The following FBXO41 variants were observed in gnomAD, a reference collection of about 807,000 sequenced individuals.
FBXO41 encodes the protein F-box only protein 41.
Under a neutral mutation model 81.6 loss-of-function variants are expected in FBXO41, and 33 were observed. The ratio of observed to expected loss-of-function variants is 0.40; its 90% confidence interval spans 0.31 to 0.54. The LOEUF (loss-of-function observed/expected upper bound fraction) is 0.54. Among genes scored for constraint, FBXO41 ranks in the 20% least tolerant of loss-of-function variants. The pLI, the probability that FBXO41 is intolerant of heterozygous loss-of-function variation, is 0.39. For missense variants in FBXO41, 1,107 were observed against 1,236.0 expected (o/e 0.90, Z 1.56); for synonymous variants, 576 against 552.7 (o/e 1.04, Z -0.59).
intron 1 of FBXO41, among the ~76,000 whole-genome samples, chr2:73,275,373 G>T (rs541636142): frequency 6.6e-6 from 1 of 152,072 alleles, no homozygotes; most frequent in Admixed American, 6.5e-5. Context: ...AGTAGAGACA[G>T]CGTTTCACCA....
Position 73,266,059 on chromosome 2 carries a change from A to G in FBXO41, c.1132-93T>C. 9.0e-7 allele frequency: 1 copy of G among 1,113,850 alleles called. No individual in the cohort carries two copies. The highest frequency in any genetic ancestry group is 1.3e-6 in the Non-Finnish European group (1 of 756,322). 69.0% of individuals were successfully genotyped at this position (1,113,850 alleles called of 1,614,324 possible). A position where few individuals can be genotyped will look rare whatever the true frequency, so the allele number is the denominator to read the frequency against. On this transcript the variant is annotated intron_variant, in intron 3 of 12. Coordinates refer to ENST00000520530, the MANE Select transcript of FBXO41 (RefSeq NM_001371389.2). The surrounding 1 kb of genome is among the most constrained non-coding windows in gnomAD (Gnocchi z 5.3). The stretch of plus-strand genomic sequence containing the variant: ...AGGGGAAACAGGGCAAAAGATGGAG[A>G]GGAGATGGGGGAGAGGAGAGAGAAG...
In FBXO41 at chr2:73,276,281, G is replaced by A. The variant is rs915302976; in HGVS notation, c.-138-6513C>T. 1.3e-4 allele frequency among the ~76,000 whole-genome samples: 19 copies of A among 151,280 alleles called. 1 individual carries two copies. The South Asian group carries it at 3.3e-3, about 27-fold the overall frequency. ...AAAAATTAGACGGGCATGGTGGCAG[G>A]TGGCTGTAATCCCAGCTACTCAGGA... is the stretch of plus-strand genomic sequence containing the variant. On this transcript the variant is annotated intron_variant, in intron 1 of 12. Transcript: ENST00000520530.
At chr2:73,272,762 T>C (rs923508888) in intron 1 of FBXO41, among the ~76,000 whole-genome samples, 2 of 152,332 alleles carry the variant, frequency 1.3e-5, no homozygotes, top group African/African-American at 4.8e-5. Context: ...AGGGACTTCA[T>C]TCAAGAACCA....
chr2:73,260,871 A>C lies in FBXO41; in HGVS notation c.2172-13T>G. ...TGTGGGCTGCTGGCTGGAGAATGGG[A>C]AGGGGGAGCCGTCAGGGAAGTCTCT... is the stretch of plus-strand genomic sequence containing the variant. On this transcript the variant is annotated splice_polypyrimidine_tract_variant and intron_variant, in intron 9 of 12. Transcript: ENST00000520530. The surrounding 1 kb of genome is among the most constrained non-coding windows in gnomAD (Gnocchi z 5.0). 6.5e-7 allele frequency: 1 copy of C among 1,549,192 alleles called. No individual in the cohort carries two copies. The highest frequency in any genetic ancestry group is 8.7e-7 in the Non-Finnish European group (1 of 1,144,456).
rs564549987 is a variant in FBXO41 at position 73,273,618 on chromosome 2, C to T, written c.-138-3850G>A. Reference sequence around the variant, plus strand: ...ATACAGTCACTTCGGGAGCTGTGCTCAGTTGGTAGGCTGTGAGCCTGGAGC... The same window carrying T: ...ATACAGTCACTTCGGGAGCTGTGCTTAGTTGGTAGGCTGTGAGCCTGGAGC... On this transcript the variant is annotated intron_variant, in intron 1 of 12. Coordinates refer to ENST00000520530, the MANE Select transcript of FBXO41 (RefSeq NM_001371389.2). Among the ~76,000 whole-genome samples, 6 of 152,280 alleles carry T rather than the reference C, an allele frequency of 3.9e-5. No homozygotes were observed. In the East Asian group the frequency reaches 1.2e-3, roughly 29 times the overall value.
Position 73,269,163 on chromosome 2 carries a change from C to T in FBXO41, c.468G>A (p.Glu156=). The T allele has an allele frequency of 6.6e-7, 1 of 1,524,822 alleles. No individual in the cohort carries two copies. The highest frequency in any genetic ancestry group is 8.8e-7 in the Non-Finnish European group (1 of 1,141,382). 94.5% of individuals were successfully genotyped at this position (1,524,822 alleles called of 1,614,324 possible). The change falls in exon 2 of 13, where the codon GAG becomes GAA. Residue 156 remains glutamate, a synonymous_variant. Coordinates refer to ENST00000520530, the MANE Select transcript of FBXO41 (RefSeq NM_001371389.2). The surrounding 1 kb of genome is among the most constrained non-coding windows in gnomAD (Gnocchi z 7.0). ...ACGCCACGGACTTGCGGGCGAACAG[C>T]TCCCCCAGCGGGATCTCGATCTCGC... is the stretch of plus-strand genomic sequence containing the variant. ...ALREIEIPLG[E]LFARKSVASS...
chr2:73,264,192 A>C (rs1688135537), intron 6 of FBXO41, 86 bp downstream of exon 6: 1 of 1,594,540 alleles, frequency 6.3e-7, no homozygotes, highest in Non-Finnish European at 8.6e-7. Context: ...TAAGGGTTGC[A>C]AGGACCAGAC....
intron 1 of FBXO41, among the ~76,000 whole-genome samples, chr2:73,270,192 C>A (rs1027969787): frequency 2.0e-5 from 3 of 152,026 alleles, no homozygotes; most frequent in Admixed American, 1.3e-4. Flanking sequence ...CTGTAGAATT[C>A]CAGAGAGATG....
At position 73,265,342 on chromosome 2, in the gene FBXO41, A is replaced by T; in HGVS notation, c.1504T>A (p.Leu502Met). 1.2e-6 allele frequency: 2 copies of T among 1,611,812 alleles called. No individual in the cohort carries two copies. The highest frequency in any genetic ancestry group is 1.7e-6 in the Non-Finnish European group (2 of 1,179,718). ...GCAGGCCCGGGGCGGGGCGCATCCAACGGGCCCTCAGCCTCTGACTCAGTG... is the reference window on the plus strand; with the variant it reads ...GCAGGCCCGGGGCGGGGCGCATCCATCGGGCCCTCAGCCTCTGACTCAGTG... ...RTTESEAEGP[L>M]DAPRPGPAMA... Residue 502 changes from leucine (L) to methionine (M), a missense_variant, in exon 5 of 13, where the codon TTG (leucine) becomes ATG (methionine). By Grantham distance (15) the Leu-to-Met change is conservative (BLOSUM62 2). Transcript: ENST00000520530.
At chr2:73,265,686 C>G (rs1375852629) in intron 4 of FBXO41, 46 bp from the exon 5 acceptor site, 2 of 1,457,730 alleles carry the variant, frequency 1.4e-6, no homozygotes, top group Non-Finnish European at 1.8e-6. Flanking sequence ...GGCACCAGGC[C>G]TACCCAAACT....
chr2:73,264,372 T>A lies in FBXO41; in HGVS notation c.1712A>T (p.His571Leu), dbSNP rs780534300. The change falls in exon 6 of 13, where the codon CAT (histidine) becomes CTT (leucine). Residue 571 changes from histidine to leucine, a missense_variant. By Grantham distance (99) the His-to-Leu change is moderately conservative. This residue lies in a region of FBXO41 where 336 missense variants were observed against 446.7 expected (regional missense o/e 0.75). Transcript: ENST00000520530. ...CCAGTCCCGGCAGACCTCGGCAGCA[T>A]GCAGCAGTGTGCGCGTGTCCAGGTA... ...FTYLDTRTLLHAAEVCRDWRF... is the reference protein window; with the variant it reads ...FTYLDTRTLLLAAEVCRDWRF... 1 of 1,613,774 alleles carries A rather than the reference T, an allele frequency of 6.2e-7. No individual in the cohort carries two copies. The highest frequency in any genetic ancestry group is 1.1e-5 in the South Asian group (1 of 91,090).
chr2:73,279,816 CT>C (rs2103916901), intron 1 of FBXO41, among the ~76,000 whole-genome samples: 1 of 152,324 alleles, frequency 6.6e-6, no homozygotes, highest in Non-Finnish European at 1.5e-5. Context: ...TTAAATGCTT[CT>C]TAAGGCTAAC....
At chr2:73,281,136 C>T (rs964919832) in intron 1 of FBXO41, among the ~76,000 whole-genome samples, 13 of 152,168 alleles carry the variant, frequency 8.5e-5, no homozygotes, top group Admixed American at 7.2e-4. Context: ...ACCCAGCAAA[C>T]GATGTCCAGC....
Position 73,263,243 on chromosome 2 carries a change from A to G in FBXO41, c.2141T>C (p.Val714Ala). The G allele has an allele frequency of 6.4e-7, 1 of 1,557,366 alleles. No homozygotes were observed. The change falls in exon 9 of 13, where the codon GTC becomes GCC. Residue 714 changes from valine (V) to alanine (A), a missense_variant. By Grantham distance (64) the Val-to-Ala change is moderately conservative (BLOSUM62 0). Around this residue, in one of 2 missense-constraint regions of FBXO41, gnomAD observed 336 missense variants for 446.7 expected, o/e 0.75. Transcript: ENST00000520530. ...GTGAAGTGGTGCCACTTGGAGGGAG[A>G]CGATCTCTCTGCAGCCTGCGCCCAG... ...WALGAGCREI[V>A]SLQVAPLHPC... is the part of the protein sequence containing the mutation.
rs1687764772 is a variant in FBXO41 at position 73,255,293 on chromosome 2, C to T, written c.*3689G>A. On this transcript the variant is annotated 3_prime_UTR_variant, in exon 13 of 13. Transcript: ENST00000520530. ...CAAGGGTTTGGGGAGGGAGTCGTTGCCTTAGCTGGCCCTGGTATTCTGATC... is the reference window on the plus strand; with the variant it reads ...CAAGGGTTTGGGGAGGGAGTCGTTGTCTTAGCTGGCCCTGGTATTCTGATC... The T allele has an allele frequency of 6.5e-6, 1 of 152,680 alleles. No individual in the cohort carries two copies. Among genetic ancestry groups the T allele is most frequent in the African/African-American group, 2.4e-5 (1 of 41,470 alleles). 9.5% of individuals were successfully genotyped at this position (152,680 alleles called of 1,614,324 possible). A position where few individuals can be genotyped will look rare whatever the true frequency, so the allele number is the denominator to read the frequency against.
intron 1 of FBXO41, among the ~76,000 whole-genome samples, 190 bp downstream of exon 1, chr2:73,283,970 T>A (rs1225103446): frequency 6.6e-6 from 1 of 152,096 alleles, no homozygotes; most frequent in Non-Finnish European, 1.5e-5. Flanking sequence ...ACGTTCTGAT[T>A]TTAATTTCTT....
chr2:73,269,495 T>C lies in FBXO41; in HGVS notation c.136A>G (p.Ser46Gly). The C allele has an allele frequency of 1.5e-6, 2 of 1,305,930 alleles. No homozygotes were observed. Among genetic ancestry groups the C allele is most frequent in the African/African-American group, 1.6e-5 (1 of 64,066 alleles). 80.9% of individuals were successfully genotyped at this position (1,305,930 alleles called of 1,614,324 possible). Reference protein sequence around the residue: ...ETLYILSKTNSICDGAAAAAA... With the variant: ...ETLYILSKTNGICDGAAAAAA... ...GCGGCGGCGGCGCCGTCGCAGATGC[T>C]GTTGGTCTTGGAGAGGATGTAGAGC... The change falls in exon 2 of 13, where the codon AGC becomes GGC. Residue 46 changes from serine (S) to glycine (G), a missense_variant. Coordinates refer to ENST00000520530, the MANE Select transcript of FBXO41 (RefSeq NM_001371389.2). This position sits in a 1 kb window ranked among gnomAD's most constrained non-coding sequence, Gnocchi z 7.0.
chr2:73,284,441 G>T lies in FBXO41; in HGVS notation c.-420C>A. ...GGGGAGGAGGGGGCGCGCGGGCCGA[G>T]GAAAGCAAGGGAAGGGGGAGGGAGG... On this transcript the variant is annotated 5_prime_UTR_variant, in exon 1 of 13. Coordinates refer to ENST00000520530, the MANE Select transcript of FBXO41 (RefSeq NM_001371389.2). This position sits in a 1 kb window ranked among gnomAD's most constrained non-coding sequence, Gnocchi z 7.4. The T allele has an allele frequency of 6.6e-6, 1 of 152,572 alleles. No individual in the cohort carries two copies. The allele number at this position is 152,572 out of a possible 1,614,324, so 9.5% of individuals were successfully genotyped here.
chr2:73,263,697 G>A lies in FBXO41; in HGVS notation c.2056C>T (p.Leu686=). ...LWLASCYCRA[L]QAVTYRSATD... ...ACCCACCTGTACGTGACAGCCTGCA[G>A]GGCACGGCAGTAGCAGCTGGCCAGC... The change falls in exon 8 of 13, where the codon CTG becomes TTG. Residue 686 remains leucine, a synonymous_variant. Transcript: ENST00000520530. 3 of 1,613,696 alleles carry A rather than the reference G, an allele frequency of 1.9e-6. No individual in the cohort carries two copies. Among genetic ancestry groups the A allele is most frequent in the Non-Finnish European group, 2.5e-6 (3 of 1,179,876 alleles).
Sources: gnomAD v4.1 joint callset for allele counts (sites outside exome capture counted in the v4.1 genomes callset) on GRCh38, gnomAD v4.1.1 for gene constraint, gnomAD v4.1.1 regional missense constraint, Gnocchi (gnomAD v3.1) non-coding constraint, MANE v1.5 for transcripts, NCBI Gene and HGNC (gene_info 2026-07-23, HGNC 2026-07-21) for gene names.